The following RPL29 variants were observed in gnomAD, a reference collection of about 807,000 sequenced individuals.
RPL29 encodes the protein ribosomal protein L29, also known as large ribosomal subunit protein eL29.
RPL29 carries 4 observed loss-of-function variants against 7.2 expected under a neutral mutation model. That is an observed-to-expected ratio of 0.55 (90% confidence interval 0.27 to 1.26). The LOEUF (loss-of-function observed/expected upper bound fraction) is 1.26, where lower values mean the gene tolerates loss of function less well. Among genes scored for constraint, RPL29 ranks in the 50% most tolerant of loss-of-function variants. The pLI is 0.11. For missense variants in RPL29, 148 were observed against 209.1 expected (o/e 0.71, Z 1.80); for synonymous variants, 73 against 72.8 (o/e 1.00, Z -0.01).
chr3:51,995,629 C>G lies in RPL29; in HGVS notation c.-8-160G>C, dbSNP rs540988010. 4.2e-5 allele frequency: 28 copies of G among 670,052 alleles called. 1 individual carries two copies. Among genetic ancestry groups the G allele is most frequent in the Non-Finnish European group, 6.8e-5 (26 of 381,324 alleles). The allele number at this position is 670,052 out of a possible 1,614,324, so 41.5% of individuals were successfully genotyped here. On this transcript the variant is annotated intron_variant, in intron 1 of 3. Transcript: ENST00000294189. ...CAAACGCCAGTCCTGGCCTCCCAAA[C>G]CCAGGTAATGATGCCCTGAAATCAA...
At chr3:51,995,001 GA>G (rs1701296525) in intron 3 of RPL29, 40 bp downstream of exon 3, 1 of 1,564,064 alleles carries the variant, frequency 6.4e-7, no homozygotes, top group African/African-American at 1.4e-5. Context: ...TGTGCACCTG[GA>G]ACCAAGAAAA....
chr3:51,993,693 A>G lies in RPL29; in HGVS notation c.*56T>C, dbSNP rs1397701799. On this transcript the variant is annotated 3_prime_UTR_variant, in exon 4 of 4. Transcript: ENST00000294189. ...CCCAGCCCCATGCAGATGGTAGCCC[A>G]GGGGCGGGGGTGGGGGGTCGCACCA... 2.3e-5 allele frequency: 34 copies of G among 1,502,396 alleles called. No individual in the cohort carries two copies. The highest frequency in any genetic ancestry group is 2.6e-5 in the Non-Finnish European group (29 of 1,126,698). The allele number at this position is 1,502,396 out of a possible 1,614,324, so 93.1% of individuals were successfully genotyped here.
chr3:51,993,619 G>T lies in RPL29; in HGVS notation c.*130C>A. On this transcript the variant is annotated 3_prime_UTR_variant, in exon 4 of 4. Coordinates refer to ENST00000294189, the MANE Select transcript of RPL29 (RefSeq NM_000992.3). ...CCCATCCCCAGGATCATAGACAGAG[G>T]CTAACAAATCCTGCCTCAGGTTTAT... The T allele has an allele frequency of 1.0e-6, 1 of 990,758 alleles. No homozygotes were observed. Among genetic ancestry groups the T allele is most frequent in the Non-Finnish European group, 1.5e-6 (1 of 672,512 alleles). The allele number at this position is 990,758 out of a possible 1,614,324, so 61.4% of individuals were successfully genotyped here.
intron 1 of RPL29, 67 bp downstream of exon 1, chr3:51,995,790 G>C (rs1164426422): frequency 2.8e-6 from 1 of 351,280 alleles, no homozygotes; most frequent in Non-Finnish European, 5.3e-6. Flanking sequence ...AGTCCTCTCC[G>C]CAGCCCGCGC....
rs1701280032 is a variant in RPL29, at chr3:51,993,837, T to TTGG, written c.391_392insCCA (p.Asp131delinsAlaAsn). On this transcript the variant is annotated protein_altering_variant, in exon 4 of 4. Transcript: ENST00000294189. ...GGCTGCAGCCTGGGCCTTGGTTTGA[T>TTGG]CCTTGGCCTTGGCCTTGGCCTTGGC... 1.9e-6 allele frequency: 3 copies of TTGG among 1,588,382 alleles called. No homozygotes were observed. Among genetic ancestry groups the TTGG allele is most frequent in the Admixed American group, 3.3e-5 (2 of 59,898 alleles).
At position 51,995,116 on chromosome 3, in the gene RPL29, A is replaced by C; in HGVS notation, c.38-10T>G. Reference sequence around the variant, plus strand: ...CTGTGCCATTTTCGGGCTGTGGGAGAAAAAAAGGGAATTAAGCCAACAAAG... The same window carrying C: ...CTGTGCCATTTTCGGGCTGTGGGAGCAAAAAAGGGAATTAAGCCAACAAAG... On this transcript the variant is annotated splice_polypyrimidine_tract_variant and intron_variant, in intron 2 of 3. Transcript: ENST00000294189. 2 of 1,596,962 alleles carry C rather than the reference A, an allele frequency of 1.3e-6. No homozygotes were observed. Among genetic ancestry groups the C allele is most frequent in the Non-Finnish European group, 1.7e-6 (2 of 1,169,798 alleles).
chr3:51,994,885 TGGGTCTGGTA>T (rs1277357243), intron 3 of RPL29, 147 bp downstream of exon 3: 5 of 787,842 alleles, frequency 6.3e-6, no homozygotes, highest in Non-Finnish European at 1.2e-5. Context: ...AGCTTTATTA[TGGGTCTGGTA>T]GGGTAGAAAA....
Position 51,994,084 on chromosome 3 carries a change from G to A in RPL29, c.145C>T (p.His49Tyr). ...FLRNMRFAKK[H>Y]NKKGLKKMQA... ...ATCTTCTTTAGGCCCTTTTTGTTGT[G>A]CTTCTTGGCAAAGCGCATGTTCCTC... is the stretch of plus-strand genomic sequence containing the variant. The change falls in exon 4 of 4, where the codon CAC (histidine) becomes TAC (tyrosine). Residue 49 changes from histidine to tyrosine, a missense_variant. His to Tyr is a moderately conservative substitution (Grantham distance 83). Coordinates refer to ENST00000294189, the MANE Select transcript of RPL29 (RefSeq NM_000992.3). 1 of 1,603,232 alleles carries A rather than the reference G, an allele frequency of 6.2e-7. No individual in the cohort carries two copies. Among genetic ancestry groups the A allele is most frequent in the Non-Finnish European group, 8.5e-7 (1 of 1,176,416 alleles).
At chr3:51,994,876 G>T in intron 3 of RPL29, 166 bp downstream of exon 3, 1 of 775,562 alleles carries the variant, frequency 1.3e-6, no homozygotes. Flanking sequence ...ACCAAGGAAA[G>T]CTTTATTATG....
In RPL29 at chr3:51,993,558, AT is replaced by A; in HGVS notation, c.*190del. 1 of 614,088 alleles carries A rather than the reference AT, an allele frequency of 1.6e-6. No individual in the cohort carries two copies. Among genetic ancestry groups the A allele is most frequent in the Non-Finnish European group, 2.8e-6 (1 of 356,590 alleles). The allele number at this position is 614,088 out of a possible 1,614,324, so 38.0% of individuals were successfully genotyped here. A position where few individuals can be genotyped will look rare whatever the true frequency, so the allele number is the denominator to read the frequency against. Reference sequence around the variant, plus strand: ...CACCCACACCCCACCATCCAGACCCATGTCTTCTCCCACACCAACAGATGGA... The same window carrying A: ...CACCCACACCCCACCATCCAGACCCAGTCTTCTCCCACACCAACAGATGGA... On this transcript the variant is annotated 3_prime_UTR_variant, in exon 4 of 4. Coordinates refer to ENST00000294189, the MANE Select transcript of RPL29 (RefSeq NM_000992.3).
intron 3 of RPL29, chr3:51,994,711 G>T: frequency 1.6e-6 from 1 of 638,820 alleles, no homozygotes; most frequent in African/African-American, 1.8e-5. Flanking sequence ...TCAGATGGAG[G>T]TCATAAGGCT....
intron 3 of RPL29, 111 bp from the exon 4 acceptor site, chr3:51,994,237 A>C: frequency 1.3e-5 from 17 of 1,350,514 alleles, no homozygotes; most frequent in Middle Eastern, 2.2e-4. Context: ...AGTCAACCTC[A>C]AATGTGGAAA....
intron 1 of RPL29, 71 bp from the exon 2 acceptor site, chr3:51,995,540 G>T: frequency 7.0e-7 from 1 of 1,423,702 alleles, no homozygotes; most frequent in Non-Finnish European, 9.9e-7. Flanking sequence ...CCCCATTCTG[G>T]TCAGAATGAG....
In RPL29 at chr3:51,995,314, A is replaced by T. The variant is rs1415211087; in HGVS notation, c.37+111T>A. ...AACCCTAAAGTTATTACTGGGTGAAATCAATCAGCCTCAGGCCCACAATGG... is the reference window on the plus strand; with the variant it reads ...AACCCTAAAGTTATTACTGGGTGAATTCAATCAGCCTCAGGCCCACAATGG... On this transcript the variant is annotated intron_variant, in intron 2 of 3. Transcript: ENST00000294189. 3.4e-5 allele frequency: 43 copies of T among 1,252,322 alleles called. 1 individual carries two copies. In the Admixed American group the frequency reaches 4.5e-4, roughly 13 times the overall value. 77.6% of individuals were successfully genotyped at this position (1,252,322 alleles called of 1,614,324 possible). A position where few individuals can be genotyped will look rare whatever the true frequency, so the allele number is the denominator to read the frequency against.
chr3:51,995,429 G>A lies in RPL29; in HGVS notation c.33C>T (p.Asn11=). The change falls in exon 2 of 4, where the codon AAC becomes AAT. Residue 11 remains asparagine, a synonymous_variant. Transcript: ENST00000294189. ...GGCAGGGCCCAAAAAACTTACACTG[G>A]TTGTGTGTGGTGTGGTTCTTGGACT... MAKSKNHTTH[N]QSRKWHRNGI... The A allele has an allele frequency of 6.2e-7, 1 of 1,614,196 alleles. No individual in the cohort carries two copies. The highest frequency in any genetic ancestry group is 8.5e-7 in the Non-Finnish European group (1 of 1,180,034).
chr3:51,994,579 A>C (rs763053591), intron 3 of RPL29: 1 of 412,820 alleles, frequency 2.4e-6, no homozygotes, highest in Non-Finnish European at 4.4e-6. Flanking sequence ...AGAGAGCAAA[A>C]GTAAAGGGAA....
chr3:51,994,766 T>C (rs1701293084), intron 3 of RPL29: 1 of 698,498 alleles, frequency 1.4e-6, no homozygotes, highest in African/African-American at 1.7e-5. Context: ...ACAAGGCCAC[T>C]CCTTACCCTA....
rs545891070 is a variant in RPL29 at position 51,993,860 on chromosome 3, G to A, written c.369C>T (p.Ala123=). ...GATCCTTGGCCTTGGCCTTGGCCTT[G>A]GCCTTTGGCCGGCACAGCCTGAGCC... ...AKGLRLCRPK[A]KAKAKAKDQT... is the part of the protein sequence containing the mutation. The change falls in exon 4 of 4, where the codon GCC becomes GCT. Residue 123 remains alanine (A), a synonymous_variant. Coordinates refer to ENST00000294189, the MANE Select transcript of RPL29 (RefSeq NM_000992.3). The A allele has an allele frequency of 1.1e-4, 168 of 1,584,436 alleles. No individual in the cohort carries two copies. Among genetic ancestry groups the A allele is most frequent in the Non-Finnish European group, 1.4e-4 (163 of 1,174,098 alleles).
At chr3:51,995,312 AAATC>A in intron 2 of RPL29, 109 bp downstream of exon 2, 1 of 1,233,464 alleles carries the variant, frequency 8.1e-7, no homozygotes, top group South Asian at 1.2e-5. Flanking sequence ...TTACTGGGTG[AAATC>A]AATCAGCCTC....
Sources: allele counts gnomAD v4.1 joint callset, GRCh38; gene constraint gnomAD v4.1.1; transcripts MANE v1.5; gene names NCBI Gene and HGNC (gene_info 2026-07-23, HGNC 2026-07-21).